The following FUT8 variants were observed in gnomAD, a reference collection of about 807,000 sequenced individuals.
The protein encoded by FUT8 is alpha-(1,6)-fucosyltransferase.
In FUT8, 29 loss-of-function variants were observed where a neutral mutation model predicts 71.3. The observed-to-expected ratio is 0.41, with a 90% CI of 0.30 to 0.55. The LOEUF is 0.55. FUT8 is among the 20% of genes least tolerant of loss of function. The pLI is 0.34. For synonymous variants in FUT8, 254 were observed against 239.3 expected, an observed-to-expected ratio of 1.06 and a Z score of -0.57; for missense variants, 544 against 702.1, an observed-to-expected ratio of 0.77 and a Z score of 2.55.
At chr14:65,381,162 C>T in the FUT8 span, among the ~76,000 whole-genome samples, 1 of 152,324 alleles carries the variant, frequency 6.6e-6, no homozygotes, top group African/African-American at 2.4e-5. Context: ...CCATTTAACA[C>T]TATCTTTTTG....
chr14:65,682,133 A>G (rs1460096848), intron 7 of FUT8, among the ~76,000 whole-genome samples: 1 of 152,248 alleles, frequency 6.6e-6, no homozygotes, highest in Non-Finnish European at 1.5e-5. Flanking sequence ...CAAATAGGAA[A>G]TAAACACAAA....
chr14:65,436,062 C>T (rs187116312), intron 1 of FUT8, among the ~76,000 whole-genome samples: 184 of 151,918 alleles, frequency 1.2e-3, no homozygotes, highest in African/African-American at 3.9e-3. Flanking sequence ...TCCCGAGAAG[C>T]TGGGACCACA....
intron 6 of FUT8, among the ~76,000 whole-genome samples, chr14:65,641,661 CCTAA>C (rs1484831784): frequency 1.3e-5 from 2 of 151,592 alleles, no homozygotes; most frequent in African/African-American, 4.8e-5. Flanking sequence ...TCTCATATAC[CCTAA>C]CTAACACTTT....
chr14:65,480,025 G>A lies in FUT8; in HGVS notation c.-228+24307G>A, dbSNP rs79200670. The stretch of plus-strand genomic sequence containing the variant: ...TTCTTACTATGATTGGTTCTGGGTG[G>A]CATTGGAATCAGTTTGAAATGATGC... On this transcript the variant is annotated intron_variant, in intron 2 of 10. Coordinates refer to ENST00000673929, the MANE Select transcript of FUT8 (RefSeq NM_001371533.1). Among the ~76,000 whole-genome samples, 979 of 152,146 alleles carry A rather than the reference G, an allele frequency of 6.4e-3. 18 individuals carry two copies. The highest frequency in any genetic ancestry group is 0.022 in the African/African-American group (912 of 41,496).
intron 3 of FUT8, among the ~76,000 whole-genome samples, chr14:65,571,497 C>T (rs918038648): frequency 4.6e-5 from 7 of 152,108 alleles, no homozygotes; most frequent in East Asian, 1.9e-4. Context: ...CTCTTACATA[C>T]AGGGCCTGCA....
chr14:65,542,352 A>G (rs945773400), intron 2 of FUT8, among the ~76,000 whole-genome samples: 1 of 152,162 alleles, frequency 6.6e-6, no homozygotes, highest in Non-Finnish European at 1.5e-5. Context: ...ATCTTATACC[A>G]TCATCCAACA....
At chr14:65,504,780 C>G (rs1410294651) in intron 2 of FUT8, among the ~76,000 whole-genome samples, 1 of 152,072 alleles carries the variant, frequency 6.6e-6, no homozygotes, top group Non-Finnish European at 1.5e-5. Flanking sequence ...TCTCAAACTC[C>G]TGACATCAGG....
At chr14:65,504,836 G>A (rs1195492455) in intron 2 of FUT8, among the ~76,000 whole-genome samples, 2 of 152,206 alleles carry the variant, frequency 1.3e-5, no homozygotes, top group African/African-American at 4.8e-5. Flanking sequence ...TTATAGGTGT[G>A]AGCCACTGTG....
intron 6 of FUT8, among the ~76,000 whole-genome samples, chr14:65,645,698 A>T (rs1210425778): frequency 6.6e-6 from 1 of 152,188 alleles, no homozygotes; most frequent in Non-Finnish European, 1.5e-5. Context: ...TTAATTGTCT[A>T]CACTACATTT....
chr14:65,401,345 C>T, the FUT8 span, among the ~76,000 whole-genome samples: 1 of 152,156 alleles, frequency 6.6e-6, no homozygotes, highest in Non-Finnish European at 1.5e-5. Context: ...TTGCTACACC[C>T]ATGTCCATAG....
At chr14:65,679,784 G>T (rs1435455148) in intron 7 of FUT8, among the ~76,000 whole-genome samples, 5 of 152,146 alleles carry the variant, frequency 3.3e-5, no homozygotes, top group African/African-American at 1.2e-4. Context: ...AGCTACAGAG[G>T]TCTCTGACAG....
chr14:65,372,329 C>T, the FUT8 span, among the ~76,000 whole-genome samples: 3 of 152,118 alleles, frequency 2.0e-5, no homozygotes, highest in Non-Finnish European at 2.9e-5. Flanking sequence ...ACTGAGAAAA[C>T]GGATTTCTGT....
At chr14:65,704,160 C>G (rs1344299459) in intron 7 of FUT8, among the ~76,000 whole-genome samples, 2 of 152,156 alleles carry the variant, frequency 1.3e-5, no homozygotes, top group East Asian at 3.9e-4. Flanking sequence ...CGTAACTCCT[C>G]AAGTATGCTA....
chr14:65,454,663 ATGT>A (rs1195262214), intron 1 of FUT8, among the ~76,000 whole-genome samples: 3 of 152,168 alleles, frequency 2.0e-5, no homozygotes, highest in Non-Finnish European at 4.4e-5. Flanking sequence ...GAAAAATCTC[ATGT>A]TGTTGACATA....
chr14:65,548,435 C>T (rs1231003371), intron 2 of FUT8, among the ~76,000 whole-genome samples: 1 of 151,738 alleles, frequency 6.6e-6, no homozygotes, highest in Non-Finnish European at 1.5e-5. Flanking sequence ...ACTAGTATTC[C>T]TTTGTTTTCT....
chr14:65,592,221 G>A (rs1887730267), intron 3 of FUT8, among the ~76,000 whole-genome samples: 2 of 152,092 alleles, frequency 1.3e-5, no homozygotes, highest in African/African-American at 4.8e-5. Context: ...TTCCTCTGGT[G>A]TAAAGTAGTT....
At chr14:65,679,068 A>G (rs997916922) in intron 7 of FUT8, among the ~76,000 whole-genome samples, 4 of 152,194 alleles carry the variant, frequency 2.6e-5, no homozygotes, top group Admixed American at 2.0e-4. Flanking sequence ...TGGGATTTTA[A>G]GGCATGGTGA....
intron 10 of FUT8, among the ~76,000 whole-genome samples, chr14:65,738,983 C>T (rs924463975): frequency 6.6e-6 from 1 of 152,072 alleles, no homozygotes; most frequent in African/African-American, 2.4e-5. Context: ...AATATATACT[C>T]AAGAGCCTGA....
chr14:65,545,758 A>G (rs1415284551), intron 2 of FUT8, among the ~76,000 whole-genome samples: 1 of 151,794 alleles, frequency 6.6e-6, no homozygotes, highest in Non-Finnish European at 1.5e-5. Flanking sequence ...AGAAAAGGTT[A>G]GGTTAGTAAG....
Sources: gnomAD v4.1 joint callset for allele counts (sites outside exome capture counted in the v4.1 genomes callset) on GRCh38, gnomAD v4.1.1 for gene constraint, MANE v1.5 for transcripts, NCBI Gene and HGNC (gene_info 2026-07-23, HGNC 2026-07-21) for gene names.